SEPTIN12: variants seen among roughly 807,000 people sequenced by gnomAD.
The protein encoded by SEPTIN12 is septin-12.
In SEPTIN12, 42 loss-of-function variants were observed where a neutral mutation model predicts 37.7. That is an observed-to-expected ratio of 1.11 (90% confidence interval 0.87 to 1.44). The LOEUF is 1.44. SEPTIN12 is among the 40% of genes most tolerant of loss of function. SEPTIN12 has a pLI of 0.00. For synonymous variants in SEPTIN12, 254 were observed against 196.7 expected, an observed-to-expected ratio of 1.29 and a Z score of -2.44; for missense variants, 613 against 479.2, an observed-to-expected ratio of 1.28 and a Z score of -2.61.
chr16:4,783,799 G>A, intron 5 of SEPTIN12, 33 bp from the exon 6 acceptor site: 1 of 1,605,810 alleles, frequency 6.2e-7, no homozygotes, highest in Non-Finnish European at 8.5e-7. Flanking sequence ...GGGGGTGGCG[G>A]TGGTGGTGAG....
chr16:4,783,923 C>A lies in SEPTIN12; in HGVS notation c.512+8G>T. On this transcript the variant is annotated splice_region_variant and intron_variant, in intron 5 of 9. Transcript: ENST00000268231. ...GTGGTCCTCGCCTTGCAGGTGCAGCCCCCTCACCAGTGCCCAGTGGGTGGT... is the reference window on the plus strand; with the variant it reads ...GTGGTCCTCGCCTTGCAGGTGCAGCACCCTCACCAGTGCCCAGTGGGTGGT... The A allele has an allele frequency of 3.7e-6, 6 of 1,614,062 alleles. No individual in the cohort carries two copies. The highest frequency in any genetic ancestry group is 3.4e-6 in the Non-Finnish European group (4 of 1,179,938).
intron 8 of SEPTIN12, among the ~76,000 whole-genome samples, chr16:4,779,085 C>T (rs1250350027): frequency 6.6e-6 from 1 of 151,982 alleles, no homozygotes; most frequent in Non-Finnish European, 1.5e-5. Flanking sequence ...TTGCAGTGAG[C>T]CGAGATCACG....
chr16:4,777,901 G>A lies in SEPTIN12; in HGVS notation c.973C>T (p.Pro325Ser). 2 of 1,600,762 alleles carry A rather than the reference G, an allele frequency of 1.2e-6. No homozygotes were observed. Among genetic ancestry groups the A allele is most frequent in the South Asian group, 2.2e-5 (2 of 88,994 alleles). Residue 325 changes from proline (P) to serine (S), a missense_variant, in exon 10 of 10, where the codon CCC becomes TCC. By Grantham distance (74) the Pro-to-Ser change is moderately conservative (BLOSUM62 -1). Coordinates refer to ENST00000268231, the MANE Select transcript of SEPTIN12 (RefSeq NM_144605.5). Reference protein sequence around the residue: ...LNESHLLPRGPGWVNLAPASP... With the variant: ...LNESHLLPRGSGWVNLAPASP... The stretch of plus-strand genomic sequence containing the variant: ...GCCGGGGCCAGGTTCACCCAGCCGG[G>A]CCCGCGGGGCAGCAGGTGGCTTTCA...
At chr16:4,791,080 C>T (rs930375559), upstream of SEPTIN12, among the ~76,000 whole-genome samples, 2 of 152,180 alleles carry the variant, frequency 1.3e-5, no homozygotes, top group African/African-American at 4.8e-5. Flanking sequence ...TGGGGATGTC[C>T]CCTAAGGAAA....
upstream of SEPTIN12, among the ~76,000 whole-genome samples, chr16:4,791,454 C>A (rs2082549840): frequency 6.6e-6 from 1 of 152,140 alleles, no homozygotes; most frequent in Non-Finnish European, 1.5e-5. Flanking sequence ...ATGATCAGTT[C>A]ATTTCATCCT....
At chr16:4,785,482 C>T (rs1003090549) in intron 4 of SEPTIN12, among the ~76,000 whole-genome samples, 5 of 151,890 alleles carry the variant, frequency 3.3e-5, no homozygotes, top group South Asian at 2.1e-4. Flanking sequence ...CTTTGAGAAC[C>T]CACCACTTGT....
upstream of SEPTIN12, chr16:4,790,092 T>C (rs986401218): frequency 1.3e-5 from 2 of 151,878 alleles, no homozygotes; most frequent in African/African-American, 4.8e-5. Flanking sequence ...TTTTTTACTT[T>C]TTGTAGAGAT....
chr16:4,778,383 C>A (rs1241339303), intron 8 of SEPTIN12, among the ~76,000 whole-genome samples: 1 of 152,238 alleles, frequency 6.6e-6, no homozygotes, highest in Non-Finnish European at 1.5e-5. Context: ...ATTATATGTA[C>A]ACTCGGCCTC....
chr16:4,791,018 T>C (rs1305772054), upstream of SEPTIN12, among the ~76,000 whole-genome samples: 1 of 152,186 alleles, frequency 6.6e-6, no homozygotes, highest in Non-Finnish European at 1.5e-5. Context: ...GATGAACAAA[T>C]GGCTCTGGTG....
chr16:4,784,590 G>T (rs1567567161), intron 4 of SEPTIN12, among the ~76,000 whole-genome samples: 1 of 119,496 alleles, frequency 8.4e-6, no homozygotes, highest in Non-Finnish European at 1.9e-5. Flanking sequence ...GGCAACATGG[G>T]GAAACGCCAA....
chr16:4,785,806 C>G lies in SEPTIN12; in HGVS notation c.374+1G>C. 6.3e-7 allele frequency: 1 copy of G among 1,596,710 alleles called. No homozygotes were observed. The highest frequency in any genetic ancestry group is 8.6e-7 in the Non-Finnish European group (1 of 1,165,418). On this transcript the variant is annotated splice_donor_variant, in intron 4 of 9. Transcript: ENST00000268231. LOFTEE classifies it high-confidence loss of function. ...AAAAAAAAAAAAGAGAGAGAACCTACCAGTTGTCATTGTTGATCTGGTCCC... is the reference window on the plus strand; with the variant it reads ...AAAAAAAAAAAAGAGAGAGAACCTAGCAGTTGTCATTGTTGATCTGGTCCC...
upstream of SEPTIN12, chr16:4,788,509 C>T (rs138720230): frequency 6.6e-6 from 1 of 152,332 alleles, no homozygotes; most frequent in East Asian, 1.9e-4. Context: ...CCAAGTAGAA[C>T]CAGGGGCCCA....
Position 4,783,472 on chromosome 16 carries a change from C to T in SEPTIN12, c.716G>A (p.Ser239Asn). The T allele has an allele frequency of 1.2e-6, 2 of 1,613,832 alleles. No homozygotes were observed. Among genetic ancestry groups the T allele is most frequent in the Non-Finnish European group, 1.7e-6 (2 of 1,179,804 alleles). Residue 239 changes from serine (S) to asparagine (N), a missense_variant, in exon 7 of 10, where the codon AGC (serine) becomes AAC (asparagine). Transcript: ENST00000268231. ...DEDINDKILN[S>N]KLRDRIPFAV... The stretch of plus-strand genomic sequence containing the variant: ...CCCACAGCCTCTCACCCGTAACTTG[C>T]TGTTGAGGATTTTGTCATTGATGTC...
intron 4 of SEPTIN12, 70 bp downstream of exon 4, chr16:4,785,737 C>G (rs2082430179): frequency 9.0e-7 from 1 of 1,114,294 alleles, no homozygotes; most frequent in Non-Finnish European, 1.4e-6. Context: ...GAGATCATGC[C>G]ATTGCACTCC....
At chr16:4,789,383 T>A (rs904701291), upstream of SEPTIN12, among the ~76,000 whole-genome samples, 3 of 151,870 alleles carry the variant, frequency 2.0e-5, no homozygotes, top group Non-Finnish European at 4.4e-5. Flanking sequence ...TGGAGTTTAG[T>A]GGCATGATCT....
At chr16:4,791,505 T>C (rs1015139147), upstream of SEPTIN12, among the ~76,000 whole-genome samples, 2 of 152,026 alleles carry the variant, frequency 1.3e-5, no homozygotes, top group African/African-American at 4.8e-5. Flanking sequence ...ACATACCCAT[T>C]TTACAGATGA....
At chr16:4,790,364 G>A (rs2082533304), upstream of SEPTIN12, among the ~76,000 whole-genome samples, 1 of 152,222 alleles carries the variant, frequency 6.6e-6, no homozygotes, top group African/African-American at 2.4e-5. Context: ...ATTCACAGAA[G>A]AAAGGTGGCC....
intron 4 of SEPTIN12, among the ~76,000 whole-genome samples, chr16:4,785,270 G>T (rs1445075406): frequency 2.0e-5 from 3 of 150,978 alleles, no homozygotes; most frequent in Non-Finnish European, 1.5e-5. Context: ...AAAATTAGCC[G>T]GAAATTGCTT....
At position 4,787,684 on chromosome 16, in the gene SEPTIN12, G is replaced by A; in HGVS notation, c.-22-17C>T. On this transcript the variant is annotated splice_polypyrimidine_tract_variant and intron_variant, in intron 1 of 9. Transcript: ENST00000268231. The stretch of plus-strand genomic sequence containing the variant: ...TCGAGATGCCTGTCACCAGGTGGGT[G>A]GGGAGAAGGGGGTCACTGGGGCTCA... The A allele has an allele frequency of 9.3e-7, 1 of 1,079,288 alleles. No homozygotes were observed. The highest frequency in any genetic ancestry group is 1.4e-6 in the Non-Finnish European group (1 of 736,836). 66.9% of individuals were successfully genotyped at this position (1,079,288 alleles called of 1,614,324 possible).
Sources: allele counts gnomAD v4.1 joint callset (sites outside exome capture counted in the v4.1 genomes callset), GRCh38; gene constraint gnomAD v4.1.1; transcripts MANE v1.5; gene names NCBI Gene and HGNC (gene_info 2026-07-23, HGNC 2026-07-21).